The following SUPT3H variants were observed in gnomAD, a reference collection of about 807,000 sequenced individuals.
SUPT3H encodes SPT3 homolog, SAGA and STAGA complex component, also known as transcription initiation protein SPT3 homolog.
Under a neutral mutation model 44.3 loss-of-function variants are expected in SUPT3H, and 44 were observed. The observed-to-expected ratio is 0.99, with a 90% confidence interval of 0.78 to 1.28. The LOEUF (loss-of-function observed/expected upper bound fraction) is 1.28. Ranked by LOEUF, SUPT3H falls within the 50% of genes most tolerant of loss-of-function variation. The pLI, the probability that SUPT3H is intolerant of heterozygous loss-of-function variation, is 0.00. For missense variants in SUPT3H, 380 were observed against 387.1 expected (o/e 0.98, Z 0.15); for synonymous variants, 124 against 125.6 (o/e 0.99, Z 0.09).
chr6:45,170,856 T>C (rs1252702411), intron 2 of SUPT3H, among the ~76,000 whole-genome samples: 1 of 152,188 alleles, frequency 6.6e-6, no homozygotes, highest in East Asian at 1.9e-4. Flanking sequence ...CAAAATGCAA[T>C]GGAATGTCAT....
intron 2 of SUPT3H, among the ~76,000 whole-genome samples, chr6:45,326,550 TTAAAA>T (rs1786376330): frequency 1.3e-5 from 2 of 151,956 alleles, no homozygotes; most frequent in Non-Finnish European, 2.9e-5. Context: ...AAATCCATAG[TTAAAA>T]TAAAACACCA....
intron 11 of SUPT3H, among the ~76,000 whole-genome samples, chr6:44,811,239 A>G (rs1343191619): frequency 6.6e-6 from 1 of 152,172 alleles, no homozygotes; most frequent in Non-Finnish European, 1.5e-5. Flanking sequence ...GTGGTCAGGT[A>G]TTCTGTAATG....
At chr6:45,328,490 G>T in intron 2 of SUPT3H, 1 of 1,511,164 alleles carries the variant, frequency 6.6e-7, no homozygotes, top group Non-Finnish European at 9.0e-7. Flanking sequence ...AGTCTATGCA[G>T]TAATAGTAGG....
At chr6:45,292,435 T>A (rs1044182263) in intron 2 of SUPT3H, among the ~76,000 whole-genome samples, 2 of 151,938 alleles carry the variant, frequency 1.3e-5, no homozygotes, top group Non-Finnish European at 2.9e-5. Flanking sequence ...ATCTAATGTA[T>A]ACAGGCAACG....
intron 3 of SUPT3H, among the ~76,000 whole-genome samples, chr6:45,062,493 G>C (rs1792283245): frequency 6.6e-6 from 1 of 152,190 alleles, no homozygotes; most frequent in South Asian, 2.1e-4. Context: ...CCGGTCTACA[G>C]CTCCCAGCGT....
At chr6:44,838,016 G>C (rs1396962395) in intron 10 of SUPT3H, among the ~76,000 whole-genome samples, 25 of 152,166 alleles carry the variant, frequency 1.6e-4, no homozygotes, top group East Asian at 1.9e-4. Context: ...AGCAATAGCT[G>C]TTTGCCAATG....
At chr6:45,258,443 T>C (rs189223245) in intron 2 of SUPT3H, among the ~76,000 whole-genome samples, 7 of 152,200 alleles carry the variant, frequency 4.6e-5, no homozygotes, top group African/African-American at 1.7e-4. Flanking sequence ...GAAAGGTAAA[T>C]CTTGATCAGT....
intron 3 of SUPT3H, among the ~76,000 whole-genome samples, chr6:45,052,308 G>A (rs541181249): frequency 6.6e-6 from 1 of 152,246 alleles, no homozygotes; most frequent in African/African-American, 2.4e-5. Context: ...TATTTATGTT[G>A]TGATATTCAT....
rs1173091186 is a variant in SUPT3H at position 45,128,557 on chromosome 6, T to TACAC, written c.102-22555_102-22552dup. On this transcript the variant is annotated intron_variant, in intron 2 of 10. Transcript: ENST00000371459. ...AAATATATATATATATATATATATA[T>TACAC]ACACACACACACACACACACACACA... 2.0e-3 allele frequency among the ~76,000 whole-genome samples: 116 copies of TACAC among 56,732 alleles called. 2 individuals are homozygous for TACAC. The highest frequency in any genetic ancestry group is 8.1e-3 in the African/African-American group (101 of 12,444). 37.2% of individuals were successfully genotyped at this position (56,732 alleles called of 152,430 possible). A position where few individuals can be genotyped will look rare whatever the true frequency, so the allele number is the denominator to read the frequency against.
At chr6:44,821,155 G>GAAAGT (rs1428608998) in intron 11 of SUPT3H, among the ~76,000 whole-genome samples, 2 of 152,138 alleles carry the variant, frequency 1.3e-5, no homozygotes, top group African/African-American at 4.8e-5. Context: ...CCCGGTCTGA[G>GAAAGT]AAAGTAACAT....
chr6:44,907,250 G>A (rs775369468), intron 10 of SUPT3H, among the ~76,000 whole-genome samples: 2 of 152,104 alleles, frequency 1.3e-5, no homozygotes, highest in African/African-American at 2.4e-5. Context: ...TCCTTTACGG[G>A]GGAATAATGT....
intron 2 of SUPT3H, among the ~76,000 whole-genome samples, chr6:45,363,487 G>GTAAGTTTGAAAATTCCCAAAT (rs1794615438): frequency 2.0e-5 from 3 of 152,078 alleles, no homozygotes; most frequent in Non-Finnish European, 4.4e-5. Flanking sequence ...TCATTACACT[G>GTAAGTTTGAAAATTCCCAAAT]TAAGTTTGAA....
chr6:45,045,592 A>G (rs1289340499), intron 3 of SUPT3H, among the ~76,000 whole-genome samples: 1 of 152,188 alleles, frequency 6.6e-6, no homozygotes, highest in East Asian at 1.9e-4. Flanking sequence ...GTCATCTGCA[A>G]ACAGAGACAA....
At chr6:45,048,108 TA>T (rs1190240422) in intron 3 of SUPT3H, among the ~76,000 whole-genome samples, 1 of 152,072 alleles carries the variant, frequency 6.6e-6, no homozygotes, top group Admixed American at 6.5e-5. Context: ...TAGTTAATAG[TA>T]AAGTGTATTA....
chr6:45,316,684 T>C (rs1037764011), intron 2 of SUPT3H, among the ~76,000 whole-genome samples: 1 of 152,064 alleles, frequency 6.6e-6, no homozygotes, highest in African/African-American at 2.4e-5. Context: ...CAAAAAAAGG[T>C]AAATACTTAG....
chr6:45,312,127 A>T (rs527821218), intron 2 of SUPT3H, among the ~76,000 whole-genome samples: 1 of 152,162 alleles, frequency 6.6e-6, no homozygotes, highest in South Asian at 2.1e-4. Flanking sequence ...GGGGTAGTAA[A>T]GAGCATTTCA....
chr6:44,823,333 G>C (rs938769041), downstream of SUPT3H, among the ~76,000 whole-genome samples: 6 of 152,132 alleles, frequency 3.9e-5, no homozygotes, highest in African/African-American at 1.4e-4. Context: ...TATGTGCTGA[G>C]ACAGGCAGGA....
intron 2 of SUPT3H, among the ~76,000 whole-genome samples, chr6:45,221,360 T>TA (rs1351810744): frequency 6.6e-6 from 1 of 151,986 alleles, no homozygotes; most frequent in Non-Finnish European, 1.5e-5. Context: ...CCCTAGAACT[T>TA]AAAGTATAAT....
chr6:45,216,647 T>C (rs1765108950), intron 2 of SUPT3H, among the ~76,000 whole-genome samples: 1 of 152,170 alleles, frequency 6.6e-6, no homozygotes, highest in African/African-American at 2.4e-5. Flanking sequence ...TGAGCAGCAG[T>C]AGCTATATTT....
Sources: gnomAD v4.1 joint callset for allele counts (sites outside exome capture counted in the v4.1 genomes callset) on GRCh38, gnomAD v4.1.1 for gene constraint, MANE v1.5 for transcripts, NCBI Gene and HGNC (gene_info 2026-07-23, HGNC 2026-07-21) for gene names.